Variants in NEDD4 observed in about 807,000 individuals in gnomAD.
NEDD4 encodes E3 ubiquitin-protein ligase NEDD4.
In NEDD4, 99 loss-of-function variants were observed where a neutral mutation model predicts 144.9. That is an observed-to-expected ratio of 0.68 (90% CI 0.58 to 0.81). The LOEUF is 0.81. Among genes scored for constraint, NEDD4 ranks in the 30% least tolerant of loss-of-function variants. NEDD4 has a pLI of 0.00. For missense variants in NEDD4, 985 were observed against 1,065.9 expected, an observed-to-expected ratio of 0.92 and a Z score of 1.06; for synonymous variants, 318 against 350.6, an observed-to-expected ratio of 0.91 and a Z score of 1.04.
Position 55,837,776 on chromosome 15 carries a change from A to C in NEDD4, c.2262+13T>G, listed in dbSNP as rs750165932. On this transcript the variant is annotated intron_variant, in intron 24 of 28. Transcript: ENST00000435532. ...GTGACATTATGGAAGAGCAAATAAA[A>C]GAAAATGAATACCTCTTTAAAAGCA... The C allele has an allele frequency of 1.1e-5, 17 of 1,603,776 alleles. No homozygotes were observed. The highest frequency in any genetic ancestry group is 1.4e-5 in the Non-Finnish European group (16 of 1,171,856).
intron 1 of NEDD4, among the ~76,000 whole-genome samples, chr15:55,989,631 C>T (rs140956528): frequency 3.3e-5 from 5 of 152,192 alleles, no homozygotes; most frequent in Admixed American, 2.6e-4. Context: ...ATACCGATAG[C>T]GGAGACTCTG....
intron 5 of NEDD4, among the ~76,000 whole-genome samples, chr15:55,918,803 T>C (rs2036514652): frequency 1.3e-5 from 2 of 152,190 alleles, no homozygotes; most frequent in Non-Finnish European, 2.9e-5. Flanking sequence ...CCTTTATGAT[T>C]TTACAGACTT....
intron 8 of NEDD4, among the ~76,000 whole-genome samples, chr15:55,868,056 C>CAAA (rs201455596): frequency 3.2e-4 from 35 of 109,242 alleles, no homozygotes; most frequent in African/African-American, 1.0e-3. Flanking sequence ...ACTCTGACTC[C>CAAA]AAAAAAAAAA....
chr15:55,949,409 T>C (rs553344076), intron 4 of NEDD4, among the ~76,000 whole-genome samples: 8 of 152,312 alleles, frequency 5.3e-5, no homozygotes, highest in Admixed American at 2.6e-4. Flanking sequence ...CTCAAGGATC[T>C]AGAACAAGAA....
chr15:55,840,330 T>A, intron 21 of NEDD4, 117 bp downstream of exon 21: 8 of 920,844 alleles, frequency 8.7e-6, no homozygotes, highest in Non-Finnish European at 1.3e-5. Context: ...AAAGTTCATT[T>A]GTATTTTGAA....
rs2033321534 is a variant in NEDD4, at chr15:55,838,593, A to C, written c.2043T>G (p.Tyr681Ter). ...CAAGAATCCATCTTAGGGAATTGTAATATTCACTATCCTAGATGGGAAAAA... is the reference window on the plus strand; with the variant it reads ...CAAGAATCCATCTTAGGGAATTGTACTATTCACTATCCTAGATGGGAAAAA... ...LHDMESVDSE[Y>*]YNSLRWILEN... is the part of the protein sequence containing the mutation. The change falls in exon 22 of 29, where the codon TAT becomes TAG. Residue 681 changes from tyrosine (Y) to a stop codon, truncating the protein, a stop_gained. Transcript: ENST00000435532. LOFTEE classifies it high-confidence loss of function. 1 of 1,606,288 alleles carries C rather than the reference A, an allele frequency of 6.2e-7. No individual in the cohort carries two copies. Among genetic ancestry groups the C allele is most frequent in the Non-Finnish European group, 8.5e-7 (1 of 1,173,768 alleles).
intron 1 of NEDD4, among the ~76,000 whole-genome samples, chr15:55,992,230 G>A (rs2037999388): frequency 6.6e-6 from 1 of 152,196 alleles, no homozygotes; most frequent in South Asian, 2.1e-4. Context: ...TATTGTTTCT[G>A]AGGGACTATG....
In NEDD4 at chr15:55,863,578, T is replaced by C. The variant is rs938871127; in HGVS notation, c.508-499A>G. On this transcript the variant is annotated intron_variant, in intron 8 of 28. Transcript: ENST00000435532. The stretch of plus-strand genomic sequence containing the variant: ...ATATACAATTATTGTCAATCAAAAA[T>C]AAAATTTTAAAAAATCTAATAGAAA... Among the ~76,000 whole-genome samples the C allele has an allele frequency of 1.2e-4, 18 of 152,192 alleles. No individual in the cohort carries two copies. In the South Asian group the frequency reaches 1.5e-3, roughly 12 times the overall value.
chr15:55,989,097 G>A (rs1348910148), intron 1 of NEDD4, among the ~76,000 whole-genome samples: 5 of 152,060 alleles, frequency 3.3e-5, no homozygotes, highest in African/African-American at 7.2e-5. Context: ...TTAGCTGGGC[G>A]TGGTGGTGCG....
At chr15:55,986,128 G>A (rs1364664959) in intron 1 of NEDD4, among the ~76,000 whole-genome samples, 1 of 152,176 alleles carries the variant, frequency 6.6e-6, no homozygotes, top group Admixed American at 6.5e-5. Context: ...ACAAGTCTAT[G>A]CTGATATAAA....
At chr15:55,981,839 G>T (rs1278506868) in intron 1 of NEDD4, among the ~76,000 whole-genome samples, 1 of 152,166 alleles carries the variant, frequency 6.6e-6, no homozygotes, top group Non-Finnish European at 1.5e-5. Context: ...ACAACCACAG[G>T]TACAGAACAT....
At chr15:55,942,848 G>A (rs2037032921) in intron 4 of NEDD4, among the ~76,000 whole-genome samples, 1 of 152,188 alleles carries the variant, frequency 6.6e-6, no homozygotes, top group Non-Finnish European at 1.5e-5. Flanking sequence ...GAGGATGATG[G>A]AAAGATAGAA....
rs2034026805 is a variant in NEDD4, at chr15:55,852,539, A to C, written c.1031T>G (p.Leu344Trp). 6.2e-7 allele frequency: 1 copy of C among 1,613,064 alleles called. No homozygotes were observed. Residue 344 changes from leucine to tryptophan, a missense_variant, in exon 13 of 29, where the codon TTG becomes TGG. Leu to Trp is a moderately conservative substitution (Grantham distance 61, BLOSUM62 -2). Coordinates refer to ENST00000435532, the MANE Select transcript of NEDD4 (RefSeq NM_006154.4). Reference sequence around the variant, plus strand: ...TGGTGGTAATCCAGATGAAGTAGGCAAAAGCTAAAGTGAAGAATAACAGAA... The same window carrying C: ...TGGTGGTAATCCAGATGAAGTAGGCCAAAGCTAAAGTGAAGAATAACAGAA... The part of the protein sequence containing the change: ...FEEQPTLPVL[L>W]PTSSGLPPGW...
chr15:55,980,621 A>G (rs1452803943), intron 1 of NEDD4, among the ~76,000 whole-genome samples: 6 of 152,214 alleles, frequency 3.9e-5, no homozygotes, highest in Admixed American at 6.5e-5. Context: ...CAACACAGAA[A>G]AGAGATCGAG....
At chr15:55,893,408 T>C (rs2035633671) in intron 5 of NEDD4, among the ~76,000 whole-genome samples, 1 of 151,960 alleles carries the variant, frequency 6.6e-6, no homozygotes, top group African/African-American at 2.4e-5. Flanking sequence ...TAAATTAAGC[T>C]AACAGATCAA....
At chr15:55,870,529 C>CTTTTTTTT (rs58174546) in intron 7 of NEDD4, among the ~76,000 whole-genome samples, 4 of 117,424 alleles carry the variant, frequency 3.4e-5, no homozygotes, top group African/African-American at 6.5e-5. Flanking sequence ...TCTTCTTCTT[C>CTTTTTTTT]TTTTTTTTTT....
chr15:55,853,951 T>C (rs1023926834), intron 12 of NEDD4, among the ~76,000 whole-genome samples: 10 of 151,988 alleles, frequency 6.6e-5, no homozygotes, highest in Admixed American at 2.6e-4. Flanking sequence ...GATTGCACCA[T>C]TGCACTCTAG....
intron 5 of NEDD4, among the ~76,000 whole-genome samples, chr15:55,902,575 A>G (rs1331924138): frequency 2.0e-5 from 3 of 152,232 alleles, no homozygotes; most frequent in Non-Finnish European, 2.9e-5. Flanking sequence ...GGGATGAGGC[A>G]TACATAGGGG....
intron 1 of NEDD4, among the ~76,000 whole-genome samples, chr15:55,975,864 A>T (rs1291628387): frequency 6.6e-6 from 1 of 152,208 alleles, no homozygotes. Flanking sequence ...CAAATTAATT[A>T]CTGGACTTCA....
Sources: gnomAD v4.1 joint callset for allele counts (sites outside exome capture counted in the v4.1 genomes callset) on GRCh38, gnomAD v4.1.1 for gene constraint, MANE v1.5 for transcripts, NCBI Gene and HGNC (gene_info 2026-07-23, HGNC 2026-07-21) for gene names.